Variants in SHANK2 observed in about 807,000 individuals in gnomAD.
SHANK2 encodes SH3 and multiple ankyrin repeat domains protein 2.
Under a neutral mutation model 133.7 loss-of-function variants are expected in SHANK2, and 43 were observed. That is an observed-to-expected ratio of 0.32 (90% CI 0.25 to 0.41). The LOEUF (loss-of-function observed/expected upper bound fraction) is 0.41. Ranked by LOEUF, SHANK2 falls within the 10% of genes least tolerant of loss-of-function variation. The pLI, the probability that SHANK2 is intolerant of heterozygous loss-of-function variation, is 1.00. For synonymous variants in SHANK2, 1,017 were observed against 952.8 expected (o/e 1.07, Z -1.24); for missense variants, 1,994 against 2,235.8 (o/e 0.89, Z 2.18).
intron 2 of SHANK2, among the ~76,000 whole-genome samples, chr11:71,179,474 G>A (rs1206351670): frequency 6.6e-6 from 1 of 152,180 alleles, no homozygotes; most frequent in Admixed American, 6.5e-5. Context: ...CTGAGAAAAG[G>A]CATCTCTGAA....
intron 7 of SHANK2, among the ~76,000 whole-genome samples, chr11:71,094,246 A>C (rs1281269054): frequency 6.6e-6 from 1 of 152,150 alleles, no homozygotes; most frequent in Non-Finnish European, 1.5e-5. Context: ...GTTGGGGTTC[A>C]CCACTGGCCT....
chr11:70,632,352 C>A (rs1359203175), intron 17 of SHANK2, among the ~76,000 whole-genome samples: 1 of 151,968 alleles, frequency 6.6e-6, no homozygotes, highest in Non-Finnish European at 1.5e-5. Context: ...GTCTCGATCT[C>A]CTGACCTCGT....
intron 17 of SHANK2, among the ~76,000 whole-genome samples, chr11:70,653,581 A>G (rs564495629): frequency 1.3e-5 from 2 of 151,886 alleles, no homozygotes; most frequent in Admixed American, 1.3e-4. Context: ...AAAAAAAAAA[A>G]AAAAAAAAGA....
chr11:70,734,727 A>C (rs1433718619), intron 14 of SHANK2, among the ~76,000 whole-genome samples: 6 of 152,188 alleles, frequency 3.9e-5, no homozygotes, highest in African/African-American at 1.4e-4. Context: ...TCAAGACCGA[A>C]GGGTGCTGAG....
chr11:71,077,195 AC>A (rs1189240317), intron 8 of SHANK2, among the ~76,000 whole-genome samples: 3 of 152,014 alleles, frequency 2.0e-5, no homozygotes, highest in Admixed American at 6.6e-5. Context: ...GCTATTTGGC[AC>A]TCCCCAAAGG....
In SHANK2 at chr11:70,487,360, C is replaced by A; in HGVS notation, c.2933G>T (p.Arg978Leu). Reference protein sequence around the residue: ...SRNAGPQANFRNKRGQMPENP... With the variant: ...SRNAGPQANFLNKRGQMPENP... ...TTCTGGCATCTGGCCTCTCTTGTTG[C>A]GGAAGTTGGCTTGCGGGCCGGCATT... Residue 978 changes from arginine (R) to leucine (L), a missense_variant, in exon 25 of 26, where the codon CGC becomes CTC. Transcript: ENST00000601538. This position sits in a 1 kb window ranked among gnomAD's most constrained non-coding sequence, Gnocchi z 5.8. 2 of 1,614,108 alleles carry A rather than the reference C, an allele frequency of 1.2e-6. No individual in the cohort carries two copies. The highest frequency in any genetic ancestry group is 1.1e-5 in the South Asian group (1 of 91,072).
intron 14 of SHANK2, among the ~76,000 whole-genome samples, chr11:70,752,013 T>C (rs980131725): frequency 1.5e-4 from 23 of 152,192 alleles, no homozygotes; most frequent in Non-Finnish European, 2.6e-4. Context: ...TAGATATAAA[T>C]ACTAACACAT....
intron 17 of SHANK2, among the ~76,000 whole-genome samples, chr11:70,611,854 A>G (rs1463068348): frequency 6.6e-6 from 1 of 151,994 alleles, no homozygotes; most frequent in Non-Finnish European, 1.5e-5. Flanking sequence ...GAAAATGGAG[A>G]AAAAAGGCAA....
At chr11:70,501,995 GGAC>G in intron 19 of SHANK2, 64 bp from the exon 20 acceptor site, 1 of 1,529,664 alleles carries the variant, frequency 6.5e-7, no homozygotes, top group Non-Finnish European at 8.9e-7. Flanking sequence ...AGGAAAGGCA[GGAC>G]TAGCAACAAC....
intron 2 of SHANK2, among the ~76,000 whole-genome samples, chr11:71,209,565 AC>A (rs1423558327): frequency 1.3e-5 from 2 of 152,128 alleles, no homozygotes; most frequent in African/African-American, 4.8e-5. Flanking sequence ...TCATACCCAG[AC>A]CCAGCTCCTC....
intron 14 of SHANK2, among the ~76,000 whole-genome samples, chr11:70,743,678 G>A (rs550707893): frequency 2.6e-5 from 4 of 152,248 alleles, no homozygotes; most frequent in South Asian, 2.1e-4. Flanking sequence ...CAGAGGGGCC[G>A]GGAGAGCCCC....
At chr11:71,196,810 C>G (rs1424783941) in intron 2 of SHANK2, among the ~76,000 whole-genome samples, 2 of 151,574 alleles carry the variant, frequency 1.3e-5, no homozygotes, top group Non-Finnish European at 2.9e-5. Flanking sequence ...CCAGCCTGGC[C>G]AACATGGTGA....
chr11:70,870,935 G>A (rs1177933662), intron 11 of SHANK2, among the ~76,000 whole-genome samples: 2 of 152,070 alleles, frequency 1.3e-5, no homozygotes, highest in Admixed American at 6.5e-5. Flanking sequence ...CCGCCACCAC[G>A]CCCGGCTAAT....
intron 12 of SHANK2, among the ~76,000 whole-genome samples, chr11:70,812,770 C>G (rs1047931343): frequency 2.6e-5 from 4 of 152,236 alleles, no homozygotes; most frequent in Non-Finnish European, 5.9e-5. Flanking sequence ...ACAGTGAGGA[C>G]TGGTCTGAAG....
At chr11:70,656,732 C>A (rs2061410352) in intron 17 of SHANK2, among the ~76,000 whole-genome samples, 1 of 152,186 alleles carries the variant, frequency 6.6e-6, no homozygotes, top group African/African-American at 2.4e-5. Flanking sequence ...TATTACCACA[C>A]AGCTTGAGTG....
chr11:71,182,951 C>T (rs782543014), intron 2 of SHANK2, among the ~76,000 whole-genome samples: 10 of 152,250 alleles, frequency 6.6e-5, no homozygotes, highest in Middle Eastern at 6.8e-3. Flanking sequence ...TAAACCAGCA[C>T]GAAAACCCTG....
chr11:70,501,848 G>C (rs1261414390), intron 20 of SHANK2, 75 bp downstream of exon 20: 2 of 1,482,138 alleles, frequency 1.3e-6, no homozygotes, highest in Non-Finnish European at 1.8e-6. Flanking sequence ...CCGAGGCCTG[G>C]GCTGAGGTGG....
chr11:70,654,628 A>C (rs2061381300), intron 17 of SHANK2, among the ~76,000 whole-genome samples: 1 of 152,200 alleles, frequency 6.6e-6, no homozygotes, highest in East Asian at 1.9e-4. Flanking sequence ...CCTTGTAAAC[A>C]TCATTTTTAA....
At chr11:70,536,513 C>T (rs1565108002) in intron 17 of SHANK2, among the ~76,000 whole-genome samples, 1 of 152,166 alleles carries the variant, frequency 6.6e-6, no homozygotes, top group South Asian at 2.1e-4. Flanking sequence ...GCAGAATGGC[C>T]GGCCGATCCT....
Sources: gnomAD v4.1 joint callset for allele counts (sites outside exome capture counted in the v4.1 genomes callset) on GRCh38, gnomAD v4.1.1 for gene constraint, Gnocchi (gnomAD v3.1) non-coding constraint, MANE v1.5 for transcripts, NCBI Gene and HGNC (gene_info 2026-07-23, HGNC 2026-07-21) for gene names.